The following CTNNA3 variants were observed in gnomAD, a reference collection of about 807,000 sequenced individuals.
CTNNA3 encodes catenin alpha-3.
A neutral mutation model predicts 95.7 loss-of-function variants in CTNNA3; 76 were observed. That is an observed-to-expected ratio of 0.79 (90% CI 0.66 to 0.96). The LOEUF (loss-of-function observed/expected upper bound fraction) is 0.96, where lower values mean the gene tolerates loss of function less well. Ranked by LOEUF, CTNNA3 falls within the 40% of genes least tolerant of loss-of-function variation. The pLI, the probability that CTNNA3 is intolerant of heterozygous loss-of-function variation, is 0.00. For synonymous variants in CTNNA3, 431 were observed against 374.4 expected (o/e 1.15, Z -1.74); for missense variants, 1,191 against 1,089.8 (o/e 1.09, Z -1.31).
intron 13 of CTNNA3, among the ~76,000 whole-genome samples, chr10:66,170,648 A>C (rs1195874163): frequency 8.6e-5 from 13 of 151,988 alleles, no homozygotes; most frequent in Non-Finnish European, 1.8e-4. Flanking sequence ...AAAGGCACCA[A>C]GTAGGGAAAA....
chr10:66,262,041 C>CT (rs2091019088), intron 13 of CTNNA3, among the ~76,000 whole-genome samples: 2 of 151,964 alleles, frequency 1.3e-5, no homozygotes, highest in Admixed American at 1.3e-4. Flanking sequence ...AGCATATTGA[C>CT]TTTTTGCACA....
intron 1 of CTNNA3, among the ~76,000 whole-genome samples, chr10:67,761,238 T>A (rs933427730): frequency 1.3e-5 from 2 of 152,198 alleles, no homozygotes; most frequent in Admixed American, 1.3e-4. Flanking sequence ...CCAAATGTCG[T>A]TATGAGGCAC....
At position 66,927,213 on chromosome 10, in the gene CTNNA3, T is replaced by A. The variant is rs1284037605; in HGVS notation, c.1048-151689A>T. 6.2e-7 allele frequency: 1 copy of A among 1,614,060 alleles called. No individual in the cohort carries two copies. Among genetic ancestry groups the A allele is most frequent in the African/African-American group, 1.3e-5 (1 of 74,930 alleles). On this transcript the variant is annotated intron_variant, in intron 7 of 17. Transcript: ENST00000433211. This position sits in a 1 kb window ranked among gnomAD's most constrained non-coding sequence, Gnocchi z 4.7. Reference sequence around the variant, plus strand: ...ACCTTGACCATAACCATATCAGCAATATTGACGAAAATGCTTTTAATGGAA... The same window carrying A: ...ACCTTGACCATAACCATATCAGCAAAATTGACGAAAATGCTTTTAATGGAA...
intron 15 of CTNNA3, among the ~76,000 whole-genome samples, chr10:65,989,027 G>T (rs535155951): frequency 1.3e-5 from 2 of 152,192 alleles, no homozygotes; most frequent in South Asian, 4.2e-4. Flanking sequence ...TGCAACCTCC[G>T]CTTCTCGGGT....
intron 3 of CTNNA3, among the ~76,000 whole-genome samples, chr10:67,566,859 A>T (rs1458735233): frequency 6.6e-6 from 1 of 152,114 alleles, no homozygotes; most frequent in Non-Finnish European, 1.5e-5. Flanking sequence ...TGATGAGTTC[A>T]TGCCCTTTGT....
intron 11 of CTNNA3, among the ~76,000 whole-genome samples, chr10:66,487,402 C>T (rs1424267865): frequency 6.6e-6 from 1 of 151,372 alleles, no homozygotes; most frequent in African/African-American, 2.4e-5. Context: ...GGGGTTTCAC[C>T]GTATTAGCCA....
chr10:66,165,485 AT>A (rs1385319186), intron 13 of CTNNA3, among the ~76,000 whole-genome samples: 1 of 152,204 alleles, frequency 6.6e-6, no homozygotes, highest in African/African-American at 2.4e-5. Context: ...AAAAGCTGAA[AT>A]TATAAAAAAC....
intron 15 of CTNNA3, among the ~76,000 whole-genome samples, chr10:66,048,054 G>A (rs958724076): frequency 1.3e-5 from 2 of 152,042 alleles, no homozygotes; most frequent in Admixed American, 1.3e-4. Flanking sequence ...ACCATCCAAG[G>A]CAATTTACAG....
rs796114334 is a variant in CTNNA3, at chr10:65,960,530, CA to C, written c.2400+6081del. Among the ~76,000 whole-genome samples, 954 of 150,138 alleles carry C rather than the reference CA, an allele frequency of 6.4e-3. 7 individuals are homozygous for C. Among genetic ancestry groups the C allele is most frequent in the African/African-American group, 0.022 (889 of 41,086 alleles). On this transcript the variant is annotated intron_variant, in intron 17 of 17. Transcript: ENST00000433211. Reference sequence around the variant, plus strand: ...ACAGAGCGAGACTCCGTCTCAACAACAAAAAAAAAGATTCAGGGGGTACATG... The same window carrying C: ...ACAGAGCGAGACTCCGTCTCAACAACAAAAAAAAGATTCAGGGGGTACATG...
At chr10:66,581,143 C>T (rs1843173221) in intron 10 of CTNNA3, among the ~76,000 whole-genome samples, 1 of 151,748 alleles carries the variant, frequency 6.6e-6, no homozygotes, top group South Asian at 2.1e-4. Context: ...ATCCACTCAT[C>T]AGTTAATGGA....
intron 13 of CTNNA3, among the ~76,000 whole-genome samples, chr10:66,127,852 G>T (rs551309937): frequency 1.2e-4 from 19 of 152,176 alleles, no homozygotes; most frequent in Admixed American, 5.2e-4. Context: ...CGAGGCGGGC[G>T]AATCACGAGG....
At chr10:66,229,841 CT>C (rs2089501038) in intron 13 of CTNNA3, among the ~76,000 whole-genome samples, 1 of 152,064 alleles carries the variant, frequency 6.6e-6, no homozygotes, top group Admixed American at 6.5e-5. Context: ...CTTGCTGTAA[CT>C]TCTATAATGT....
intron 1 of CTNNA3, among the ~76,000 whole-genome samples, chr10:67,655,871 A>G (rs1328236309): frequency 4.6e-5 from 7 of 152,150 alleles, no homozygotes; most frequent in African/African-American, 1.7e-4. Context: ...CAGAAAAATT[A>G]GTATAATATA....
At chr10:65,921,205 T>C (rs1003093946) in intron 17 of CTNNA3, among the ~76,000 whole-genome samples, 2 of 152,226 alleles carry the variant, frequency 1.3e-5, no homozygotes, top group Non-Finnish European at 2.9e-5. Flanking sequence ...AGCCATTTAC[T>C]ACAAAAAGGT....
At chr10:66,799,120 T>G (rs1841327362) in intron 7 of CTNNA3, among the ~76,000 whole-genome samples, 1 of 151,604 alleles carries the variant, frequency 6.6e-6, no homozygotes, top group Admixed American at 6.6e-5. Flanking sequence ...CTTAATTCAC[T>G]GTCAGAACAA....
chr10:67,726,286 A>ATATTATATATGATATTATCTTACT, intron 1 of CTNNA3, among the ~76,000 whole-genome samples: 1 of 99,340 alleles, frequency 1.0e-5, no homozygotes, highest in Non-Finnish European at 1.8e-5. Flanking sequence ...ATTATATTAC[A>ATATTATATATGATATTATCTTACT]TATTATATAT....
At chr10:66,591,501 C>G (rs1328170952) in intron 10 of CTNNA3, among the ~76,000 whole-genome samples, 2 of 152,120 alleles carry the variant, frequency 1.3e-5, no homozygotes, top group East Asian at 3.9e-4. Flanking sequence ...AACTGCTTTA[C>G]TTGATCACTG....
At chr10:66,320,590 G>T (rs561743686) in intron 12 of CTNNA3, among the ~76,000 whole-genome samples, 1 of 152,040 alleles carries the variant, frequency 6.6e-6, no homozygotes, top group Non-Finnish European at 1.5e-5. Context: ...GGCTGTCTTC[G>T]TATCACTAGG....
chr10:67,183,469 C>T (rs1416787570), intron 6 of CTNNA3, among the ~76,000 whole-genome samples: 1 of 151,298 alleles, frequency 6.6e-6, no homozygotes, highest in Non-Finnish European at 1.5e-5. Flanking sequence ...TGCTCTCACT[C>T]ATAGGTGGGA....
Sources: allele counts gnomAD v4.1 joint callset (sites outside exome capture counted in the v4.1 genomes callset), GRCh38; gene constraint gnomAD v4.1.1; non-coding constraint Gnocchi (gnomAD v3.1); transcripts MANE v1.5; gene names NCBI Gene and HGNC (gene_info 2026-07-23, HGNC 2026-07-21).